The following ENPP2 variants were observed in gnomAD, a reference collection of about 807,000 sequenced individuals.
The protein encoded by ENPP2 is autotaxin.
ENPP2 carries 51 observed loss-of-function variants against 120.2 expected under a neutral mutation model. The ratio of observed to expected loss-of-function variants is 0.42; its 90% CI spans 0.34 to 0.54. The LOEUF (loss-of-function observed/expected upper bound fraction) is 0.54. Among genes scored for constraint, ENPP2 ranks in the 20% least tolerant of loss-of-function variants. ENPP2 has a pLI of 0.04. For missense variants in ENPP2, 920 were observed against 1,066.5 expected (o/e 0.86, Z 1.91); for synonymous variants, 365 against 366.4 (o/e 1.00, Z 0.04).
intron 24 of ENPP2, among the ~76,000 whole-genome samples, chr8:119,559,647 G>A (rs910276390): frequency 6.6e-6 from 1 of 152,192 alleles, no homozygotes; most frequent in Admixed American, 6.5e-5. Flanking sequence ...GCTGCAAGAT[G>A]CAAAACTAAG....
intron 5 of ENPP2, 67 bp from the exon 6 acceptor site, chr8:119,617,630 C>G (rs1815562295): frequency 9.3e-7 from 1 of 1,074,322 alleles, no homozygotes; most frequent in African/African-American, 1.6e-5. Flanking sequence ...CCTAGTGATT[C>G]TCAATAATGG....
intron 1 of ENPP2, among the ~76,000 whole-genome samples, chr8:119,669,084 T>C (rs1389770431): frequency 6.6e-6 from 1 of 152,264 alleles, no homozygotes; most frequent in Non-Finnish European, 1.5e-5. Context: ...GCCTTTTCTC[T>C]TAGCAAATGG....
intron 1 of ENPP2, among the ~76,000 whole-genome samples, chr8:119,667,504 G>C (rs1387171438): frequency 6.6e-6 from 1 of 152,154 alleles, no homozygotes; most frequent in African/African-American, 2.4e-5. Context: ...GACAGACATT[G>C]TGACCTTCTA....
At chr8:119,637,056 A>G (rs1027338947) in intron 2 of ENPP2, among the ~76,000 whole-genome samples, 1 of 152,194 alleles carries the variant, frequency 6.6e-6, no homozygotes, top group Non-Finnish European at 1.5e-5. Context: ...GGAAACAGAA[A>G]AAAAAAGTTC....
chr8:119,581,169 G>A (rs1812704715), intron 18 of ENPP2: 1 of 151,426 alleles, frequency 6.6e-6, no homozygotes, highest in African/African-American at 2.4e-5. Flanking sequence ...AGGAGGCTGA[G>A]GCAGGAGAAT....
chr8:119,618,966 T>G (rs182941742), intron 5 of ENPP2, among the ~76,000 whole-genome samples: 62 of 152,262 alleles, frequency 4.1e-4, no homozygotes, highest in Non-Finnish European at 6.9e-4. Context: ...AATATTCAGA[T>G]GCACTTTGTA....
intron 1 of ENPP2, among the ~76,000 whole-genome samples, chr8:119,660,781 C>A (rs1817897641): frequency 6.6e-6 from 1 of 152,192 alleles, no homozygotes; most frequent in African/African-American, 2.4e-5. Context: ...ATCTCTGTCA[C>A]AATGACTCAA....
In ENPP2 at chr8:119,657,847, C is replaced by T. The variant is rs147787989; in HGVS notation, c.21+15405G>A. The stretch of plus-strand genomic sequence containing the variant: ...GGAAGAGTGTGTGGACTCTTGCTGT[C>T]TTGCCCCAACCTCAGGCTAACAATG... On this transcript the variant is annotated intron_variant, in intron 1 of 25. Transcript: ENST00000427067. Among the ~76,000 whole-genome samples the T allele has an allele frequency of 3.9e-5, 6 of 152,274 alleles. 1 individual carries two copies. In the East Asian group the frequency reaches 1.2e-3, roughly 29 times the overall value.
intron 8 of ENPP2, among the ~76,000 whole-genome samples, chr8:119,608,596 C>T (rs1468687031): frequency 6.6e-6 from 1 of 152,168 alleles, no homozygotes. Flanking sequence ...ATATTCTTTA[C>T]ACCGTGTACT....
At chr8:119,590,653 T>C in intron 12 of ENPP2, 23 bp from the exon 13 acceptor site, 4 of 1,475,362 alleles carry the variant, frequency 2.7e-6, no homozygotes, top group East Asian at 5.1e-5. Context: ...AGAAAAAGAA[T>C]ATTTTCAGGC....
At chr8:119,567,665 A>G (rs1274748366) in intron 22 of ENPP2, among the ~76,000 whole-genome samples, 1 of 152,230 alleles carries the variant, frequency 6.6e-6, no homozygotes, top group Admixed American at 6.5e-5. Flanking sequence ...GCTGGGTTTC[A>G]GGGCCAACAT....
At chr8:119,580,246 T>A in intron 18 of ENPP2, 79 bp from the exon 19 acceptor site, 1 of 1,075,298 alleles carries the variant, frequency 9.3e-7, no homozygotes, top group Non-Finnish European at 1.4e-6. Context: ...TCTGTCGACT[T>A]AGCACCCTGC....
At chr8:119,576,587 T>C (rs1409469370) in intron 19 of ENPP2, among the ~76,000 whole-genome samples, 15 of 152,244 alleles carry the variant, frequency 9.9e-5, no homozygotes, top group Admixed American at 9.8e-4. Context: ...AACATTTTTA[T>C]AGCAATGTAA....
At chr8:119,614,876 T>C (rs1043822150) in intron 8 of ENPP2, among the ~76,000 whole-genome samples, 1 of 152,202 alleles carries the variant, frequency 6.6e-6, no homozygotes, top group Non-Finnish European at 1.5e-5. Context: ...TAGGCCATTA[T>C]GGACTTCTGG....
At chr8:119,652,008 T>A (rs1456661933) in intron 1 of ENPP2, among the ~76,000 whole-genome samples, 2 of 152,172 alleles carry the variant, frequency 1.3e-5, no homozygotes, top group African/African-American at 4.8e-5. Flanking sequence ...TGGTAAAGTA[T>A]CTTAGTCCAT....
chr8:119,659,006 A>G (rs1163557831), intron 1 of ENPP2, among the ~76,000 whole-genome samples: 3 of 152,152 alleles, frequency 2.0e-5, no homozygotes, highest in Admixed American at 1.3e-4. Flanking sequence ...TCCCTCCCCA[A>G]CCTAGGCACC....
chr8:119,625,513 T>G (rs1267070604), intron 3 of ENPP2, among the ~76,000 whole-genome samples: 1 of 152,168 alleles, frequency 6.6e-6, no homozygotes, highest in Non-Finnish European at 1.5e-5. Context: ...TTTCTAATGA[T>G]AAAATTTGAA....
At chr8:119,558,928 C>T (rs556796004) in intron 24 of ENPP2, among the ~76,000 whole-genome samples, 1 of 152,288 alleles carries the variant, frequency 6.6e-6, no homozygotes, top group African/African-American at 2.4e-5. Flanking sequence ...AGCTCCAACC[C>T]ACACAAACCT....
intron 9 of ENPP2, among the ~76,000 whole-genome samples, chr8:119,603,541 T>A (rs963601233): frequency 2.6e-5 from 4 of 152,194 alleles, no homozygotes; most frequent in African/African-American, 9.7e-5. Flanking sequence ...GCAAGTTATC[T>A]AAACTTTTGA....
Sources: allele counts gnomAD v4.1 joint callset (sites outside exome capture counted in the v4.1 genomes callset), GRCh38; gene constraint gnomAD v4.1.1; transcripts MANE v1.5; gene names NCBI Gene and HGNC (gene_info 2026-07-23, HGNC 2026-07-21).